SPACA7: variants seen among roughly 807,000 people sequenced by gnomAD.
SPACA7 encodes sperm acrosome associated 7.
A neutral mutation model predicts 26.3 loss-of-function variants in SPACA7; 19 were observed. The ratio of observed to expected loss-of-function variants is 0.72; its 90% CI spans 0.50 to 1.06. SPACA7 has a LOEUF of 1.06. Ranked by LOEUF, SPACA7 falls within the 50% of genes least tolerant of loss-of-function variation. SPACA7 has a pLI of 0.00. For missense variants in SPACA7, 211 were observed against 229.9 expected, an observed-to-expected ratio of 0.92 and a Z score of 0.53; for synonymous variants, 84 against 84.5, an observed-to-expected ratio of 0.99 and a Z score of 0.04.
In SPACA7 at chr13:112,377,648, C is replaced by A. The variant is rs76469007; in HGVS notation, c.94+1169C>A. ...GATTCCTACTAAACATGGGGAAAAG[C>A]AGACAAAAGCAGAAGCTAGGGTCAA... On this transcript the variant is annotated intron_variant, in intron 1 of 6. Transcript: ENST00000283550. Among the ~76,000 whole-genome samples the A allele has an allele frequency of 9.2e-5, 14 of 152,288 alleles. 2 individuals are homozygous for A. In the East Asian group the frequency reaches 2.7e-3, roughly 29 times the overall value.
At chr13:112,392,987 A>T in intron 1 of SPACA7, 34 bp from the exon 2 acceptor site, 1 of 1,581,836 alleles carries the variant, frequency 6.3e-7, no homozygotes, top group Non-Finnish European at 8.7e-7. Context: ...TTCAATGAAC[A>T]TTGTTAAACT....
At chr13:112,411,598 C>T (rs1346120834) in intron 5 of SPACA7, among the ~76,000 whole-genome samples, 2 of 152,198 alleles carry the variant, frequency 1.3e-5, no homozygotes, top group East Asian at 1.9e-4. Context: ...TCCTTCTCCC[C>T]TTTTACCTTC....
intron 1 of SPACA7, among the ~76,000 whole-genome samples, chr13:112,389,930 T>C (rs1214441060): frequency 2.0e-5 from 3 of 152,246 alleles, no homozygotes; most frequent in Admixed American, 1.3e-4. Context: ...CTGATATTAT[T>C]TAATCTCACA....
chr13:112,430,478 C>T (rs1876997526), intron 5 of SPACA7, among the ~76,000 whole-genome samples: 1 of 152,078 alleles, frequency 6.6e-6, no homozygotes, highest in Non-Finnish European at 1.5e-5. Context: ...AAATCTAATC[C>T]TTGTTACTCC....
chr13:112,421,225 C>CAAAAAAAAAAAAAAAAAAAAAAAAAAA (rs59236283), intron 5 of SPACA7, among the ~76,000 whole-genome samples: 1 of 86,824 alleles, frequency 1.2e-5, no homozygotes. Flanking sequence ...AAGAAACATG[C>CAAAAAAAAAAAAAAAAAAAAAAAAAAA]AAAAAAAAAA....
At chr13:112,390,513 A>G (rs1374340887) in intron 1 of SPACA7, among the ~76,000 whole-genome samples, 1 of 152,184 alleles carries the variant, frequency 6.6e-6, no homozygotes, top group Non-Finnish European at 1.5e-5. Context: ...TTGCACTGCT[A>G]TAGAGACATA....
At chr13:112,396,884 G>A (rs1487977652) in intron 2 of SPACA7, among the ~76,000 whole-genome samples, 2 of 152,184 alleles carry the variant, frequency 1.3e-5, no homozygotes, top group East Asian at 3.9e-4. Flanking sequence ...CACAGTGCCA[G>A]ACACCTCGTC....
chr13:112,401,877 A>C (rs928208687), intron 5 of SPACA7, among the ~76,000 whole-genome samples: 3 of 152,206 alleles, frequency 2.0e-5, no homozygotes, highest in South Asian at 2.1e-4. Flanking sequence ...AGCCACACGT[A>C]TTACACACAA....
chr13:112,427,089 T>A (rs1876607391), intron 5 of SPACA7, among the ~76,000 whole-genome samples: 1 of 152,244 alleles, frequency 6.6e-6, no homozygotes, highest in African/African-American at 2.4e-5. Flanking sequence ...TGTTCATAAA[T>A]GGAGTTTGAA....
intron 5 of SPACA7, among the ~76,000 whole-genome samples, chr13:112,412,787 G>A (rs986493981): frequency 2.0e-5 from 3 of 152,060 alleles, no homozygotes; most frequent in African/African-American, 7.2e-5. Context: ...TTTATTTCTA[G>A]ATTCCCTATT....
At chr13:112,394,266 C>T (rs1885087721) in intron 2 of SPACA7, among the ~76,000 whole-genome samples, 1 of 152,130 alleles carries the variant, frequency 6.6e-6, no homozygotes, top group South Asian at 2.1e-4. Flanking sequence ...TCAGAGCATG[C>T]AGTCCTGACC....
intron 5 of SPACA7, among the ~76,000 whole-genome samples, chr13:112,419,719 G>A (rs530272043): frequency 9.2e-5 from 14 of 152,326 alleles, no homozygotes; most frequent in Admixed American, 3.3e-4. Flanking sequence ...TTTGGCTACT[G>A]AGAGAAGTGA....
At chr13:112,412,983 T>C (rs1886445854) in intron 5 of SPACA7, among the ~76,000 whole-genome samples, 1 of 152,206 alleles carries the variant, frequency 6.6e-6, no homozygotes, top group African/African-American at 2.4e-5. Context: ...ACACTTTAAC[T>C]CATTTCCTCC....
chr13:112,405,143 C>A (rs1885904629), intron 5 of SPACA7, among the ~76,000 whole-genome samples: 1 of 151,938 alleles, frequency 6.6e-6, no homozygotes, highest in Non-Finnish European at 1.5e-5. Flanking sequence ...CCAACATGCC[C>A]AGCTAATTTT....
chr13:112,412,001 T>G (rs1886384527), intron 5 of SPACA7, among the ~76,000 whole-genome samples: 1 of 152,134 alleles, frequency 6.6e-6, no homozygotes, highest in African/African-American at 2.4e-5. Context: ...TAGTTCTGTT[T>G]TTAGTTGTTG....
intron 1 of SPACA7, among the ~76,000 whole-genome samples, chr13:112,391,773 T>C (rs985042181): frequency 3.3e-5 from 5 of 152,214 alleles, no homozygotes; most frequent in African/African-American, 1.2e-4. Context: ...AAGAATATTT[T>C]TAACAAAGCA....
intron 1 of SPACA7, among the ~76,000 whole-genome samples, chr13:112,390,341 A>G (rs7333444): frequency 0.11 from 16,184 of 152,192 alleles, 1,170 homozygotes; most frequent in African/African-American, 0.2. Context: ...CCAGTGCCAC[A>G]GTGGGGCAGG....
At chr13:112,406,614 T>C (rs976913513) in intron 5 of SPACA7, among the ~76,000 whole-genome samples, 16 of 152,202 alleles carry the variant, frequency 1.1e-4, no homozygotes, top group African/African-American at 3.6e-4. Flanking sequence ...AAGATGTTCA[T>C]TATCACCAAT....
rs761122943 is a variant in SPACA7, at chr13:112,393,063, T to C, written c.137T>C (p.Met46Thr). The C allele has an allele frequency of 1.9e-6, 3 of 1,613,060 alleles. No individual in the cohort carries two copies. In the South Asian group the frequency reaches 3.3e-5, roughly 18 times the overall value. The change falls in exon 2 of 7, where the codon ATG (methionine) becomes ACG (threonine). Residue 46 changes from methionine to threonine, a missense_variant. Physicochemically the swap from Met to Thr is moderately conservative, Grantham distance 81 (BLOSUM62 -1). Transcript: ENST00000283550. ...CCATTCAGTTCAAAACAGGAGGATA[T>C]GTCTGAATTATTAGGTAAGGAAGCC... Reference protein sequence around the residue: ...EIPFSSKQEDMSELLDEILVQ... With the variant: ...EIPFSSKQEDTSELLDEILVQ...
Sources: gnomAD v4.1 joint callset for allele counts (sites outside exome capture counted in the v4.1 genomes callset) on GRCh38, gnomAD v4.1.1 for gene constraint, MANE v1.5 for transcripts, NCBI Gene and HGNC (gene_info 2026-07-23, HGNC 2026-07-21) for gene names.